Variants in BEST2 observed in about 807,000 individuals in gnomAD.
BEST2 encodes the protein bestrophin-2a.
In BEST2, 36 loss-of-function variants were observed where a neutral mutation model predicts 49.0. The ratio of observed to expected loss-of-function variants is 0.73; its 90% CI spans 0.56 to 0.97. The LOEUF (loss-of-function observed/expected upper bound fraction) is 0.97. BEST2 is among the 50% of genes least tolerant of loss of function. The pLI is 0.00. For synonymous variants in BEST2, 335 were observed against 304.4 expected, an observed-to-expected ratio of 1.10 and a Z score of -1.05; for missense variants, 672 against 710.0, an observed-to-expected ratio of 0.95 and a Z score of 0.61.
chr19:12,756,385 C>G (rs1227075295), intron 9 of BEST2, 90 bp downstream of exon 9: 3 of 1,498,978 alleles, frequency 2.0e-6, no homozygotes, highest in Non-Finnish European at 2.7e-6. Context: ...GGAATCAATT[C>G]TGGAGATGGG....
At chr19:12,752,881 C>A in intron 2 of BEST2, 137 bp downstream of exon 2, 1 of 672,662 alleles carries the variant, frequency 1.5e-6, no homozygotes. Context: ...TGGAGTCTCA[C>A]TCTGTCACCC....
At position 12,755,648 on chromosome 19, in the gene BEST2, G is replaced by T. The variant is rs376124946; in HGVS notation, c.748G>T (p.Ala250Ser). The T allele has an allele frequency of 9.9e-6, 16 of 1,613,842 alleles. No individual in the cohort carries two copies. In the African/African-American group the frequency reaches 1.6e-4, roughly 16 times the overall value. Reference protein sequence around the residue: ...VTIALYSYFLACLIGRQFLDP... With the variant: ...VTIALYSYFLSCLIGRQFLDP... ...CATCGCACTGTACAGCTACTTCCTG[G>T]CTTGCCTCATTGGTCGCCAGTTCCT... The change falls in exon 7 of 10, where the codon GCT (alanine) becomes TCT (serine). Residue 250 changes from alanine (A) to serine (S), a missense_variant. Ala to Ser is a moderately conservative substitution (Grantham distance 99). Transcript: ENST00000553030. The surrounding 1 kb of genome is among the most constrained non-coding windows in gnomAD (Gnocchi z 4.4).
Position 12,755,902 on chromosome 19 carries a change from T to TGA in BEST2, c.918_919dup (p.Thr307ArgfsTer5). 1.2e-6 allele frequency: 2 copies of TGA among 1,614,160 alleles called. No homozygotes were observed. The highest frequency in any genetic ancestry group is 1.7e-6 in the Non-Finnish European group (2 of 1,179,984). ...CCTTCGGAGAGGACGATGATGACTT[T>TGA]GAGACCAACTTTCTGATCGATAGAA... On this transcript the variant is annotated frameshift_variant, in exon 8 of 10. Transcript: ENST00000553030. LOFTEE classifies it high-confidence loss of function. This position sits in a 1 kb window ranked among gnomAD's most constrained non-coding sequence, Gnocchi z 4.4.
intron 8 of BEST2, 88 bp downstream of exon 8, chr19:12,756,023 G>A: frequency 1.3e-6 from 2 of 1,591,894 alleles, no homozygotes; most frequent in Non-Finnish European, 1.7e-6. Context: ...GCCAAGTCTT[G>A]CCAGGTCTCA....
intron 9 of BEST2, chr19:12,756,649 C>T (rs913551329): frequency 3.8e-6 from 1 of 262,654 alleles, no homozygotes; most frequent in South Asian, 4.9e-5. Flanking sequence ...GGAGTTCAGA[C>T]CAGCCTGGGC....
rs1204709755 is a variant in BEST2 at position 12,755,629 on chromosome 19, A to G, written c.729A>G (p.Ala243=). ...GCCCTGCCCAGGTGGTGACCATCGCACTGTACAGCTACTTCCTGGCTTGCC... is the reference window on the plus strand; with the variant it reads ...GCCCTGCCCAGGTGGTGACCATCGCGCTGTACAGCTACTTCCTGGCTTGCC... ...PLVYTQVVTI[A]LYSYFLACLI... Residue 243 remains alanine, a synonymous_variant, in exon 7 of 10, where the codon GCA becomes GCG. Transcript: ENST00000553030. This position sits in a 1 kb window ranked among gnomAD's most constrained non-coding sequence, Gnocchi z 4.4. The G allele has an allele frequency of 2.5e-6, 4 of 1,613,598 alleles. No homozygotes were observed. The highest frequency in any genetic ancestry group is 3.4e-6 in the Non-Finnish European group (4 of 1,179,880).
chr19:12,756,653 C>T lies in BEST2; in HGVS notation c.1103+358C>T, dbSNP rs1173266995. On this transcript the variant is annotated intron_variant, in intron 9 of 9. Coordinates refer to ENST00000553030, the MANE Select transcript of BEST2 (RefSeq NM_017682.3). ...GAGCAAGCCCAGGAGTTCAGACCAG[C>T]CTGGGCAACATAGTGAGACCCCCGT... 6.6e-5 allele frequency: 17 copies of T among 257,128 alleles called. No homozygotes were observed. In the South Asian group the frequency reaches 8.6e-4, roughly 13 times the overall value. The allele number at this position is 257,128 out of a possible 1,614,324, so 15.9% of individuals were successfully genotyped here. A position where few individuals can be genotyped will look rare whatever the true frequency, so the allele number is the denominator to read the frequency against.
Position 12,756,226 on chromosome 19 carries a change from C to T in BEST2, c.1034C>T (p.Ala345Val). ...TACTGGGATGCAGCCGAGGCTCGCG[C>T]CCCATACACAGCGGCTACTGTCTTC... ...DLYWDAAEAR[A>V]PYTAATVFQL... The change falls in exon 9 of 10, where the codon GCC becomes GTC. Residue 345 changes from alanine (A) to valine (V), a missense_variant. By Grantham distance (64) the Ala-to-Val change is moderately conservative (BLOSUM62 0). Coordinates refer to ENST00000553030, the MANE Select transcript of BEST2 (RefSeq NM_017682.3). 6.2e-7 allele frequency: 1 copy of T among 1,614,208 alleles called. No individual in the cohort carries two copies. The highest frequency in any genetic ancestry group is 8.5e-7 in the Non-Finnish European group (1 of 1,180,038).
At chr19:12,752,016 G>C (rs1967874481) in intron 1 of BEST2, 177 bp downstream of exon 1, 2 of 153,630 alleles carry the variant, frequency 1.3e-5, no homozygotes, top group Non-Finnish European at 2.9e-5. Flanking sequence ...GGGGGAGCCA[G>C]GGCAATTAAG....
chr19:12,753,539 G>C (rs887155177), intron 3 of BEST2, among the ~76,000 whole-genome samples, 185 bp downstream of exon 3: 4 of 151,028 alleles, frequency 2.6e-5, no homozygotes, highest in Non-Finnish European at 5.9e-5. Context: ...TACACTCTGA[G>C]ACCTGGGGTG....
rs1392884196 is a variant in BEST2 at position 12,757,739 on chromosome 19, C to T, written c.1192C>T (p.Leu398=). 6.5e-7 allele frequency: 1 copy of T among 1,544,712 alleles called. No individual in the cohort carries two copies. The highest frequency in any genetic ancestry group is 8.7e-7 in the Non-Finnish European group (1 of 1,146,560). Residue 398 remains leucine (L), a synonymous_variant, in exon 10 of 10, where the codon CTG becomes TTG. Coordinates refer to ENST00000553030, the MANE Select transcript of BEST2 (RefSeq NM_017682.3). The part of the protein sequence containing the change: ...EAPGDFLQRL[L]PAGAGMVAGG... ...GCCCGGCGACTTCCTGCAGCGCCTC[C>T]TGCCGGCGGGCGCGGGCATGGTCGC...
Position 12,756,146 on chromosome 19 carries a change from C to T in BEST2, c.954C>T (p.Ser318=), listed in dbSNP as rs1967941701. Reference sequence around the variant, plus strand: ...CTGTGTGTTTGCACCCGTAGGTGTCCATGCTGGCAGTGGACGAGATGTATG... The same window carrying T: ...CTGTGTGTTTGCACCCGTAGGTGTCTATGCTGGCAGTGGACGAGATGTATG... ...NFLIDRNFQV[S]MLAVDEMYDD... is the part of the protein sequence containing the mutation. The change falls in exon 9 of 10, where the codon TCC becomes TCT. Residue 318 remains serine (S), a synonymous_variant. Coordinates refer to ENST00000553030, the MANE Select transcript of BEST2 (RefSeq NM_017682.3). 30 of 1,614,252 alleles carry T rather than the reference C, an allele frequency of 1.9e-5. No homozygotes were observed. Among genetic ancestry groups the T allele is most frequent in the Non-Finnish European group, 2.5e-5 (29 of 1,180,046 alleles).
rs1967936868 is a variant in BEST2, at chr19:12,755,829, C to A, written c.868-26C>A. The A allele has an allele frequency of 6.2e-7, 1 of 1,613,816 alleles. No individual in the cohort carries two copies. The highest frequency in any genetic ancestry group is 1.3e-5 in the African/African-American group (1 of 74,932). ...GGCGGGCATGGGGTTCCCAAGTTTC[C>A]ACCTAACTGCTCCCTCTCCTCTCAG... On this transcript the variant is annotated intron_variant, in intron 7 of 9. Transcript: ENST00000553030. The surrounding 1 kb of genome is among the most constrained non-coding windows in gnomAD (Gnocchi z 4.4).
chr19:12,756,236 A>G lies in BEST2; in HGVS notation c.1044A>G (p.Thr348=). 6.2e-7 allele frequency: 1 copy of G among 1,614,188 alleles called. No individual in the cohort carries two copies. Among genetic ancestry groups the G allele is most frequent in the Non-Finnish European group, 8.5e-7 (1 of 1,180,048 alleles). Residue 348 remains threonine, a synonymous_variant, in exon 9 of 10, where the codon ACA becomes ACG. Transcript: ENST00000553030. ...WDAAEARAPY[T]AATVFQLRQP... ...CAGCCGAGGCTCGCGCCCCATACACAGCGGCTACTGTCTTCCAGCTGCGGC... is the reference window on the plus strand; with the variant it reads ...CAGCCGAGGCTCGCGCCCCATACACGGCGGCTACTGTCTTCCAGCTGCGGC...
chr19:12,754,385 AC>A (rs1475991938), intron 3 of BEST2, among the ~76,000 whole-genome samples, 166 bp from the exon 4 acceptor site: 11 of 151,586 alleles, frequency 7.3e-5, no homozygotes, highest in Admixed American at 1.3e-4. Context: ...GTCCTTTCTG[AC>A]CTCAGGGCTG....
chr19:12,754,472 G>GC, intron 3 of BEST2, 80 bp from the exon 4 acceptor site: 2 of 1,199,568 alleles, frequency 1.7e-6, no homozygotes, highest in South Asian at 3.2e-5. Flanking sequence ...ACCTTACGTT[G>GC]CCCCCTCTCC....
Position 12,758,244 on chromosome 19 carries a change from C to A in BEST2, c.*167C>A. Reference sequence around the variant, plus strand: ...TGGCGCTGTGCTAGGGGCGGGAGTTCTTCCAGACTCTTGGACCAGCCCGCC... The same window carrying A: ...TGGCGCTGTGCTAGGGGCGGGAGTTATTCCAGACTCTTGGACCAGCCCGCC... On this transcript the variant is annotated 3_prime_UTR_variant, in exon 10 of 10. Transcript: ENST00000553030. 1 of 853,290 alleles carries A rather than the reference C, an allele frequency of 1.2e-6. No homozygotes were observed. Among genetic ancestry groups the A allele is most frequent in the East Asian group, 2.7e-5 (1 of 37,194 alleles). 52.9% of individuals were successfully genotyped at this position (853,290 alleles called of 1,614,324 possible).
In BEST2 at chr19:12,755,180, A is replaced by G. The variant is rs1310665021; in HGVS notation, c.636+149A>G. On this transcript the variant is annotated intron_variant, in intron 5 of 9. Transcript: ENST00000553030. The surrounding 1 kb of genome is among the most constrained non-coding windows in gnomAD (Gnocchi z 4.4). ...TCTTACCTCCATGGGGCTGATTCCA[A>G]TGCCCTTGAGGGGCAGCTCCTGGGT... The G allele has an allele frequency of 2.3e-5, 27 of 1,171,288 alleles. No homozygotes were observed. Among genetic ancestry groups the G allele is most frequent in the Non-Finnish European group, 1.9e-5 (16 of 844,176 alleles). 72.6% of individuals were successfully genotyped at this position (1,171,288 alleles called of 1,614,324 possible).
At position 12,751,854 on chromosome 19, in the gene BEST2, G is replaced by A. The variant is rs781677489; in HGVS notation, c.-52+15G>A. On this transcript the variant is annotated intron_variant, in intron 1 of 9. Coordinates refer to ENST00000553030, the MANE Select transcript of BEST2 (RefSeq NM_017682.3). The stretch of plus-strand genomic sequence containing the variant: ...CTTCAACACAGGTGAGATGAGCCCA[G>A]GCTTGGGGAAATAGGGGGCCCTGAG... The A allele has an allele frequency of 3.9e-5, 6 of 152,790 alleles. No homozygotes were observed. The highest frequency in any genetic ancestry group is 5.8e-5 in the Non-Finnish European group (4 of 68,424). The allele number at this position is 152,790 out of a possible 1,614,324, so 9.5% of individuals were successfully genotyped here. A position where few individuals can be genotyped will look rare whatever the true frequency, so the allele number is the denominator to read the frequency against.
Sources: gnomAD v4.1 joint callset for allele counts (sites outside exome capture counted in the v4.1 genomes callset) on GRCh38, gnomAD v4.1.1 for gene constraint, Gnocchi (gnomAD v3.1) non-coding constraint, MANE v1.5 for transcripts, NCBI Gene and HGNC (gene_info 2026-07-23, HGNC 2026-07-21) for gene names.